The following CASP2 variants were observed in gnomAD, a reference collection of about 807,000 sequenced individuals.
CASP2 encodes caspase-2.
In CASP2, 38 loss-of-function variants were observed where a neutral mutation model predicts 54.4. The ratio of observed to expected loss-of-function variants is 0.70; its 90% CI spans 0.54 to 0.92. The LOEUF (loss-of-function observed/expected upper bound fraction) is 0.92, where lower values mean the gene tolerates loss of function less well. CASP2 is among the 40% of genes least tolerant of loss of function. The pLI is 0.00. For missense variants in CASP2, 512 were observed against 579.6 expected (o/e 0.88, Z 1.20); for synonymous variants, 215 against 216.3 (o/e 0.99, Z 0.05).
chr7:143,294,042 T>A, intron 4 of CASP2, among the ~76,000 whole-genome samples, 188 bp from the exon 5 acceptor site: 1 of 152,222 alleles, frequency 6.6e-6, no homozygotes, highest in East Asian at 1.9e-4. Context: ...ATGCAGGCTA[T>A]GTGCAGAGAA....
At chr7:143,290,453 C>A (rs1014071911) in intron 1 of CASP2, among the ~76,000 whole-genome samples, 4 of 152,166 alleles carry the variant, frequency 2.6e-5, no homozygotes, top group Admixed American at 6.6e-5. Context: ...TCACTGCTAT[C>A]AGGTGCCACC....
Position 143,291,419 on chromosome 7 carries a change from T to A in CASP2, c.75-121T>A, listed in dbSNP as rs141722194. On this transcript the variant is annotated intron_variant, in intron 1 of 10. Coordinates refer to ENST00000310447, the MANE Select transcript of CASP2 (RefSeq NM_032982.4). ...TTGCTTTAACCAGATTTAAGAAATA[T>A]GCATAATCTTGGTTATTGTAAGTCT... 4.2e-6 allele frequency: 4 copies of A among 950,108 alleles called. No individual in the cohort carries two copies. In the African/African-American group the frequency reaches 6.5e-5, roughly 15 times the overall value. The allele number at this position is 950,108 out of a possible 1,614,324, so 58.9% of individuals were successfully genotyped here.
Position 143,294,610 on chromosome 7 carries a change from AG to A in CASP2, c.585del (p.Gln195HisfsTer7). The A allele has an allele frequency of 6.2e-7, 1 of 1,614,190 alleles. No individual in the cohort carries two copies. The highest frequency in any genetic ancestry group is 8.5e-7 in the Non-Finnish European group (1 of 1,180,032). The part of the protein sequence containing the change: ...QTHFQLAYRL[Q>X]SRPRGLALVL... ...TCTCCTCCACAGGCATATAGGTTGCAGTCTCGGCCTCGTGGCCTAGCACTGG... is the reference window on the plus strand; with the variant it reads ...TCTCCTCCACAGGCATATAGGTTGCATCTCGGCCTCGTGGCCTAGCACTGG... On this transcript the variant is annotated frameshift_variant, in exon 6 of 11. Coordinates refer to ENST00000310447, the MANE Select transcript of CASP2 (RefSeq NM_032982.4). LOFTEE classifies it high-confidence loss of function.
intron 1 of CASP2, 69 bp from the exon 2 acceptor site, chr7:143,291,471 C>G: frequency 2.1e-6 from 3 of 1,441,810 alleles, no homozygotes; most frequent in Non-Finnish European, 2.9e-6. Context: ...CCTATTCATG[C>G]CTCTTCCACT....
At chr7:143,303,762 A>G in intron 8 of CASP2, 22 bp from the exon 9 acceptor site, 1 of 1,612,294 alleles carries the variant, frequency 6.2e-7, no homozygotes, top group Non-Finnish European at 8.5e-7. Flanking sequence ...ATCATTGTCC[A>G]TTCTGTCTGC....
At chr7:143,291,438 TA>T in intron 1 of CASP2, 101 bp from the exon 2 acceptor site, 1 of 1,159,064 alleles carries the variant, frequency 8.6e-7, no homozygotes, top group Non-Finnish European at 1.3e-6. Flanking sequence ...TTGGTTATTG[TA>T]AGTCTTATTC....
intron 6 of CASP2, among the ~76,000 whole-genome samples, chr7:143,295,981 T>C (rs1316555585): frequency 2.6e-5 from 4 of 152,146 alleles, no homozygotes; most frequent in Admixed American, 1.3e-4. Flanking sequence ...AAATGTGCAG[T>C]GTGTGTGTTT....
rs147897563 is a variant in CASP2, at chr7:143,293,785, G to A, written c.476-445G>A. Among the ~76,000 whole-genome samples, 498 of 152,268 alleles carry A rather than the reference G, an allele frequency of 3.3e-3. 3 individuals carry two copies. The highest frequency in any genetic ancestry group is 9.3e-3 in the South Asian group (45 of 4,828). On this transcript the variant is annotated intron_variant, in intron 4 of 10. Transcript: ENST00000310447. ...ATTACAGGCATGAGTCACTGCGCCCGGCCCAGGCAAGGTGTTATTAATAGT... is the reference window on the plus strand; with the variant it reads ...ATTACAGGCATGAGTCACTGCGCCCAGCCCAGGCAAGGTGTTATTAATAGT...
chr7:143,303,696 T>C, intron 8 of CASP2, 88 bp from the exon 9 acceptor site: 1 of 1,193,722 alleles, frequency 8.4e-7, no homozygotes, highest in Non-Finnish European at 1.2e-6. Flanking sequence ...CCCTTCAAGG[T>C]TGTAGGGAAC....
At position 143,307,191 on chromosome 7, in the gene CASP2, T is replaced by G. The variant is rs973330675; in HGVS notation, c.*2120T>G. The G allele has an allele frequency of 1.3e-5, 2 of 152,232 alleles. No individual in the cohort carries two copies. The highest frequency in any genetic ancestry group is 4.8e-5 in the African/African-American group (2 of 41,448). 9.4% of individuals were successfully genotyped at this position (152,232 alleles called of 1,614,324 possible). On this transcript the variant is annotated 3_prime_UTR_variant, in exon 11 of 11. Transcript: ENST00000310447. Reference sequence around the variant, plus strand: ...CAGTTTATATATATGCTACTTTTACTTGTTCATTTCTGTCTCCCCTACCAG... The same window carrying G: ...CAGTTTATATATATGCTACTTTTACGTGTTCATTTCTGTCTCCCCTACCAG...
chr7:143,289,402 A>G (rs777231803), intron 1 of CASP2, among the ~76,000 whole-genome samples: 1 of 152,218 alleles, frequency 6.6e-6, no homozygotes, highest in Non-Finnish European at 1.5e-5. Context: ...CAAGTCTGGA[A>G]CTCGAGAGAG....
rs991957810 is a variant in CASP2 at position 143,303,655 on chromosome 7, G to A, written c.968-129G>A. 2.4e-5 allele frequency: 18 copies of A among 735,028 alleles called. No homozygotes were observed. The African/African-American group carries it at 2.8e-4, about 12-fold the overall frequency. 45.5% of individuals were successfully genotyped at this position (735,028 alleles called of 1,614,324 possible). On this transcript the variant is annotated intron_variant, in intron 8 of 10. Transcript: ENST00000310447. ...TTTTTTTTTTAGTTTATCAGCCATA[G>A]GTTGGAGGCAACAGCTGGAAATGGC...
chr7:143,295,712 GTATTTACTA>G (rs1487002531), intron 6 of CASP2, among the ~76,000 whole-genome samples: 1 of 152,186 alleles, frequency 6.6e-6, no homozygotes, highest in East Asian at 1.9e-4. Context: ...GAGTAATTAT[GTATTTACTA>G]TATTTTTGGC....
chr7:143,299,998 C>T lies in CASP2; in HGVS notation c.823C>T (p.Leu275Phe). ...CACGGACTCCTGCATCGTGGCACTC[C>T]TCTCGCATGGTGTGGAGGGCGCCAT... Reference protein sequence around the residue: ...RVTDSCIVALLSHGVEGAIYG... With the variant: ...RVTDSCIVALFSHGVEGAIYG... Residue 275 changes from leucine to phenylalanine, a missense_variant, in exon 7 of 11, where the codon CTC becomes TTC. Leu to Phe is a conservative substitution (Grantham distance 22). Transcript: ENST00000310447. 6.2e-7 allele frequency: 1 copy of T among 1,614,146 alleles called. No individual in the cohort carries two copies. Among genetic ancestry groups the T allele is most frequent in the Non-Finnish European group, 8.5e-7 (1 of 1,180,022 alleles).
rs1490709747 is a variant in CASP2, at chr7:143,305,272, C to T, written c.*201C>T. The T allele has an allele frequency of 4.4e-6, 3 of 681,178 alleles. No individual in the cohort carries two copies. Among genetic ancestry groups the T allele is most frequent in the African/African-American group, 3.6e-5 (2 of 56,204 alleles). The allele number at this position is 681,178 out of a possible 1,614,324, so 42.2% of individuals were successfully genotyped here. Reference sequence around the variant, plus strand: ...GCTCCTTTTCTGTGAAGCCCTTTGCCTGTAGAGCCAGCCTTGGTTGGACCT... The same window carrying T: ...GCTCCTTTTCTGTGAAGCCCTTTGCTTGTAGAGCCAGCCTTGGTTGGACCT... On this transcript the variant is annotated 3_prime_UTR_variant, in exon 11 of 11. Transcript: ENST00000310447.
Position 143,292,303 on chromosome 7 carries a change from A to G in CASP2, c.229A>G (p.Lys77Glu). 6.2e-7 allele frequency: 1 copy of G among 1,614,180 alleles called. No homozygotes were observed. Residue 77 changes from lysine to glutamate, a missense_variant, in exon 3 of 11, where the codon AAA (lysine) becomes GAA (glutamate). Physicochemically the swap from Lys to Glu is moderately conservative, Grantham distance 56 (BLOSUM62 1). Transcript: ENST00000310447. ...TLEMRELIQA[K>E]VGSFSQNVEL... ...ATGTTTTATTCTTGTGTCTTAGGCCAAAGTGGGCAGTTTCAGCCAGAATGT... is the reference window on the plus strand; with the variant it reads ...ATGTTTTATTCTTGTGTCTTAGGCCGAAGTGGGCAGTTTCAGCCAGAATGT...
At chr7:143,290,120 G>C (rs1218175821) in intron 1 of CASP2, among the ~76,000 whole-genome samples, 1 of 147,840 alleles carries the variant, frequency 6.8e-6, no homozygotes, top group Admixed American at 6.8e-5. Context: ...GAGTGCAGTG[G>C]AATGATCTCA....
At chr7:143,304,651 G>A (rs538731160) in intron 9 of CASP2, 23 bp from the exon 10 acceptor site, 1 of 1,567,722 alleles carries the variant, frequency 6.4e-7, no homozygotes, top group African/African-American at 1.3e-5. Context: ...TTCACACTGT[G>A]ATTAATGCCC....
intron 6 of CASP2, among the ~76,000 whole-genome samples, chr7:143,298,089 A>G (rs536220988): frequency 1.3e-5 from 2 of 152,340 alleles, no homozygotes; most frequent in East Asian, 3.9e-4. Flanking sequence ...AGTGTCCTGG[A>G]GGGCTTGTTA....
Sources: gnomAD v4.1 joint callset for allele counts (sites outside exome capture counted in the v4.1 genomes callset) on GRCh38, gnomAD v4.1.1 for gene constraint, MANE v1.5 for transcripts, NCBI Gene and HGNC (gene_info 2026-07-23, HGNC 2026-07-21) for gene names.